Variants in MMP24 observed in about 807,000 individuals in gnomAD.
MMP24 encodes matrix metallopeptidase 24.
In MMP24, 25 loss-of-function variants were observed where a neutral mutation model predicts 62.8. The observed-to-expected ratio is 0.40, with a 90% CI of 0.29 to 0.56. The LOEUF is 0.56. Among genes scored for constraint, MMP24 ranks in the 20% least tolerant of loss-of-function variants. The pLI is 0.50. For synonymous variants in MMP24, 319 were observed against 350.5 expected (o/e 0.91, Z 1.00); for missense variants, 634 against 853.6 (o/e 0.74, Z 3.21).
At chr20:35,253,915 G>A (rs1011602533) in intron 3 of MMP24, among the ~76,000 whole-genome samples, 3 of 144,060 alleles carry the variant, frequency 2.1e-5, no homozygotes, top group African/African-American at 8.4e-5. Flanking sequence ...TGTTACCCAG[G>A]CTGGAGTGCA....
At chr20:35,264,560 T>C (rs1568619258) in intron 5 of MMP24, among the ~76,000 whole-genome samples, 1 of 150,756 alleles carries the variant, frequency 6.6e-6, no homozygotes, top group African/African-American at 2.4e-5. Flanking sequence ...ACAAAAAAAT[T>C]AGCCAGGTGT....
At chr20:35,256,644 G>C (rs564273565) in intron 4 of MMP24, among the ~76,000 whole-genome samples, 5 of 150,242 alleles carry the variant, frequency 3.3e-5, no homozygotes, top group African/African-American at 1.2e-4. Context: ...CCTTGAACCC[G>C]GGAGGCGGAG....
chr20:35,226,865 C>A lies in MMP24; in HGVS notation c.127C>A (p.Leu43Ile). ...GCTGCTGCTGCTGCTGCTGCCCGCG[C>A]TCTGCTGCCTCCCGGGCGCCGCGCG... ...GRLLLLLLPA[L>I]CCLPGAARAA... The change falls in exon 1 of 9, where the codon CTC becomes ATC. Residue 43 changes from leucine (L) to isoleucine (I), a missense_variant. Physicochemically the swap from Leu to Ile is conservative, Grantham distance 5 (BLOSUM62 2). Around this residue, in one of 3 missense-constraint regions of MMP24, gnomAD observed 212 missense variants for 259.6 expected, o/e 0.82. Transcript: ENST00000246186. The A allele has an allele frequency of 1.0e-6, 1 of 978,640 alleles. No individual in the cohort carries two copies. The highest frequency in any genetic ancestry group is 1.2e-6 in the Non-Finnish European group (1 of 827,734). 60.6% of individuals were successfully genotyped at this position (978,640 alleles called of 1,614,324 possible).
intron 4 of MMP24, among the ~76,000 whole-genome samples, chr20:35,258,745 T>C (rs1361402605): frequency 6.6e-6 from 1 of 152,054 alleles, no homozygotes; most frequent in Non-Finnish European, 1.5e-5. Context: ...GAGCATTTGC[T>C]TCAGGTTGTG....
Position 35,265,574 on chromosome 20 carries a change from G to A in MMP24, c.979+1622G>A, listed in dbSNP as rs967879848. ...AACTAGTATTAAATTTCATAGTAAT[G>A]AAATTTAAATTTATATTTATTAGGC... On this transcript the variant is annotated intron_variant, in intron 5 of 8. Coordinates refer to ENST00000246186, the MANE Select transcript of MMP24 (RefSeq NM_006690.4). Among the ~76,000 whole-genome samples the A allele has an allele frequency of 9.2e-5, 14 of 151,944 alleles. 1 individual carries two copies. The highest frequency in any genetic ancestry group is 9.2e-4 in the Admixed American group (14 of 15,252).
chr20:35,255,563 G>A (rs1049002033), intron 4 of MMP24, among the ~76,000 whole-genome samples: 5 of 152,082 alleles, frequency 3.3e-5, no homozygotes, highest in African/African-American at 9.7e-5. Context: ...AGTCAATACC[G>A]TGCAGCAATA....
chr20:35,227,009 G>C, intron 1 of MMP24, 25 bp downstream of exon 1: 28 of 980,590 alleles, frequency 2.9e-5, no homozygotes, highest in Non-Finnish European at 3.4e-5. Context: ...CGGGGCCGGG[G>C]CGCGGGCTCG....
chr20:35,263,596 T>A, intron 4 of MMP24, 195 bp from the exon 5 acceptor site: 1 of 423,512 alleles, frequency 2.4e-6, no homozygotes. Flanking sequence ...CACTTGTCAC[T>A]CTCTCTCTCC....
chr20:35,272,232 A>G (rs2060674358), intron 8 of MMP24: 1 of 424,012 alleles, frequency 2.4e-6, no homozygotes, highest in Non-Finnish European at 4.2e-6. Context: ...ACCTTCAAAA[A>G]AAATTTTTTT....
chr20:35,261,269 C>G (rs2060601297), intron 4 of MMP24, among the ~76,000 whole-genome samples: 1 of 152,248 alleles, frequency 6.6e-6, no homozygotes, highest in South Asian at 2.1e-4. Context: ...TGGCGCTCCA[C>G]TGGCCTCGTG....
At position 35,275,875 on chromosome 20, in the gene MMP24, C is replaced by T; in HGVS notation, c.*1266C>T. On this transcript the variant is annotated 3_prime_UTR_variant, in exon 9 of 9. Coordinates refer to ENST00000246186, the MANE Select transcript of MMP24 (RefSeq NM_006690.4). ...AGCAGCCCCAAGCTGAGGGGGCTCC[C>T]TTTTTGACCTTCACTGGCCCGCCCT... is the stretch of plus-strand genomic sequence containing the variant. The T allele has an allele frequency of 2.5e-6, 1 of 397,506 alleles. No homozygotes were observed. The allele number at this position is 397,506 out of a possible 1,614,324, so 24.6% of individuals were successfully genotyped here.
At position 35,264,707 on chromosome 20, in the gene MMP24, C is replaced by CAAAAAAA. The variant is rs57309455; in HGVS notation, c.979+780_979+786dup. On this transcript the variant is annotated intron_variant, in intron 5 of 8. Coordinates refer to ENST00000246186, the MANE Select transcript of MMP24 (RefSeq NM_006690.4). ...TGGGCAACAGGGCGAGACTCCGTCT[C>CAAAAAAA]AAAAAAAAAAAAAAAAAAAAAAAAA... 2.7e-3 allele frequency among the ~76,000 whole-genome samples: 118 copies of CAAAAAAA among 43,552 alleles called. 1 individual carries two copies. Among genetic ancestry groups the CAAAAAAA allele is most frequent in the Non-Finnish European group, 3.9e-3 (87 of 22,180 alleles). The allele number at this position is 43,552 out of a possible 152,430, so 28.6% of individuals were successfully genotyped here.
At chr20:35,237,223 CA>C (rs767095794) in intron 1 of MMP24, among the ~76,000 whole-genome samples, 12 of 152,166 alleles carry the variant, frequency 7.9e-5, no homozygotes, top group Non-Finnish European at 1.6e-4. Flanking sequence ...GTCAGAAGTC[CA>C]AAATGGGTCT....
chr20:35,274,191 C>A lies in MMP24; in HGVS notation c.1601-81C>A. On this transcript the variant is annotated intron_variant, in intron 8 of 8. Transcript: ENST00000246186. The surrounding 1 kb of genome is among the most constrained non-coding windows in gnomAD (Gnocchi z 5.1). The stretch of plus-strand genomic sequence containing the variant: ...CCACCTTGCCTCCCTTGCCACAGTG[C>A]CTGTGCCCTCCTTTTCACACTGCCC... The A allele has an allele frequency of 7.2e-7, 1 of 1,388,550 alleles. No homozygotes were observed. Among genetic ancestry groups the A allele is most frequent in the Non-Finnish European group, 9.9e-7 (1 of 1,010,302 alleles). The allele number at this position is 1,388,550 out of a possible 1,614,324, so 86.0% of individuals were successfully genotyped here. A position where few individuals can be genotyped will look rare whatever the true frequency, so the allele number is the denominator to read the frequency against.
intron 5 of MMP24, among the ~76,000 whole-genome samples, chr20:35,265,139 T>C (rs927672570): frequency 5.9e-5 from 9 of 152,198 alleles, no homozygotes; most frequent in African/African-American, 2.4e-5. Flanking sequence ...CCCCCAGGGT[T>C]TCCAGCTTTT....
At chr20:35,266,779 T>G (rs1215556688) in intron 5 of MMP24, among the ~76,000 whole-genome samples, 2 of 152,104 alleles carry the variant, frequency 1.3e-5, no homozygotes, top group Non-Finnish European at 2.9e-5. Flanking sequence ...ATGTGCTTAT[T>G]AAAGTCTGAG....
chr20:35,256,460 C>T (rs1325124395), intron 4 of MMP24: 1 of 152,168 alleles, frequency 6.6e-6, no homozygotes, highest in Admixed American at 6.5e-5. Context: ...TGGATCACAC[C>T]TGTAATCCCA....
chr20:35,228,906 C>T (rs903039968), intron 1 of MMP24, among the ~76,000 whole-genome samples: 2 of 152,176 alleles, frequency 1.3e-5, no homozygotes, highest in Admixed American at 6.5e-5. Flanking sequence ...CAGGACCCTA[C>T]GGTTTTGCAT....
intron 5 of MMP24, among the ~76,000 whole-genome samples, chr20:35,264,735 A>AAAAG (rs1183977874): frequency 1.2e-4 from 18 of 149,464 alleles, no homozygotes; most frequent in Non-Finnish European, 1.3e-4. Flanking sequence ...AAAAAAAAAA[A>AAAAG]AAAGAAAGAA....
Sources: allele counts gnomAD v4.1 joint callset (sites outside exome capture counted in the v4.1 genomes callset), GRCh38; gene constraint gnomAD v4.1.1; regional missense constraint gnomAD v4.1.1; non-coding constraint Gnocchi (gnomAD v3.1); transcripts MANE v1.5; gene names NCBI Gene and HGNC (gene_info 2026-07-23, HGNC 2026-07-21).